Variants in POM121 observed in about 807,000 individuals in gnomAD.
POM121 encodes nuclear envelope pore membrane protein POM 121.
POM121 carries 32 observed loss-of-function variants against 81.3 expected under a neutral mutation model. The ratio of observed to expected loss-of-function variants is 0.39; its 90% CI spans 0.30 to 0.53. The LOEUF (loss-of-function observed/expected upper bound fraction) is 0.53. Among genes scored for constraint, POM121 ranks in the 20% least tolerant of loss-of-function variants. The pLI is 0.66. For missense variants in POM121, 1,138 were observed against 1,614.6 expected, an observed-to-expected ratio of 0.70 and a Z score of 5.06; for synonymous variants, 514 against 694.2, an observed-to-expected ratio of 0.74 and a Z score of 4.08.
At chr7:72,906,394 G>C (rs543553307) in intron 3 of POM121, among the ~76,000 whole-genome samples, 4 of 152,206 alleles carry the variant, frequency 2.6e-5, no homozygotes, top group Non-Finnish European at 5.9e-5. Flanking sequence ...GGGAACTCAG[G>C]CTCAGGAATT....
intron 5 of POM121, among the ~76,000 whole-genome samples, chr7:72,931,863 G>A (rs1174606747): frequency 2.6e-5 from 4 of 152,172 alleles, no homozygotes; most frequent in African/African-American, 9.7e-5. Flanking sequence ...GAGCCACCAC[G>A]CCTGGCCCAT....
chr7:72,899,217 G>A (rs1426828027), intron 3 of POM121, among the ~76,000 whole-genome samples: 2 of 151,900 alleles, frequency 1.3e-5, no homozygotes, highest in East Asian at 1.9e-4. Flanking sequence ...ACTCCTGACC[G>A]CAGGTGTTCT....
intron 5 of POM121, among the ~76,000 whole-genome samples, chr7:72,937,265 A>AG (rs1796603127): frequency 6.6e-6 from 1 of 152,012 alleles, no homozygotes; most frequent in African/African-American, 2.4e-5. Context: ...AAAAAAAAAA[A>AG]AGTTCCACAG....
In POM121 at chr7:72,938,687, T is replaced by C. The variant is rs781821687; in HGVS notation, c.1367+6T>C. 7 of 1,613,040 alleles carry C rather than the reference T, an allele frequency of 4.3e-6. No homozygotes were observed. The highest frequency in any genetic ancestry group is 3.3e-5 in the South Asian group (3 of 91,052). Reference sequence around the variant, plus strand: ...AGGCCAGCAAAGAAAATAAGGTACTTGGCATTCTCCTGCAGTTTTCATTTG... The same window carrying C: ...AGGCCAGCAAAGAAAATAAGGTACTCGGCATTCTCCTGCAGTTTTCATTTG... On this transcript the variant is annotated splice_donor_region_variant and intron_variant, in intron 6 of 12. Transcript: ENST00000434423.
rs1554501629 is a variant in POM121 at position 72,942,614 on chromosome 7, T to C, written c.2621T>C (p.Phe874Ser). ...GCGCCCCAGGCCTCTGCTGCCAGCT[T>C]CACCCCGGCCATGGGCTCCATATTC... Reference protein sequence around the residue: ...FGAPQASAASFTPAMGSIFQF... With the variant: ...FGAPQASAASSTPAMGSIFQF... The change falls in exon 11 of 13, where the codon TTC becomes TCC. Residue 874 changes from phenylalanine to serine, a missense_variant. This residue lies in a region of POM121 where 25 missense variants were observed against 229.8 expected (regional missense o/e 0.11). Transcript: ENST00000434423. 1.8e-5 allele frequency: 14 copies of C among 762,948 alleles called. No individual in the cohort carries two copies. The South Asian group carries it at 2.6e-4, about 14-fold the overall frequency. 47.3% of individuals were successfully genotyped at this position (762,948 alleles called of 1,614,324 possible). A position where few individuals can be genotyped will look rare whatever the true frequency, so the allele number is the denominator to read the frequency against.
intron 5 of POM121, among the ~76,000 whole-genome samples, chr7:72,935,357 T>C (rs1178307799): frequency 2.0e-5 from 3 of 152,096 alleles, no homozygotes; most frequent in Non-Finnish European, 4.4e-5. Context: ...AAACTTATAA[T>C]AGAGACACAG....
chr7:72,946,469 C>A lies in POM121; in HGVS notation c.*235C>A. The A allele has an allele frequency of 7.3e-7, 1 of 1,375,786 alleles. No homozygotes were observed. Among genetic ancestry groups the A allele is most frequent in the African/African-American group, 1.5e-5 (1 of 67,902 alleles). 85.2% of individuals were successfully genotyped at this position (1,375,786 alleles called of 1,614,324 possible). A position where few individuals can be genotyped will look rare whatever the true frequency, so the allele number is the denominator to read the frequency against. ...CCAAAGCCCGGGACCTCTACTTGAACAGTTCTACTGGGGAGGCTGGAGAAC... is the reference window on the plus strand; with the variant it reads ...CCAAAGCCCGGGACCTCTACTTGAAAAGTTCTACTGGGGAGGCTGGAGAAC... On this transcript the variant is annotated 3_prime_UTR_variant, in exon 13 of 13. Coordinates refer to ENST00000434423, the MANE Select transcript of POM121 (RefSeq NM_001387691.1).
At chr7:72,928,960 C>T (rs1554498086) in intron 4 of POM121, among the ~76,000 whole-genome samples, 1 of 152,178 alleles carries the variant, frequency 6.6e-6, no homozygotes, top group African/African-American at 2.4e-5. Flanking sequence ...AGAAGAAAGA[C>T]TAGAATGAGG....
chr7:72,890,844 T>C (rs1264643509), intron 2 of POM121: 3 of 1,410,794 alleles, frequency 2.1e-6, no homozygotes, highest in African/African-American at 2.8e-5. Flanking sequence ...TTTAATTCCT[T>C]GTGGGCACTA....
chr7:72,897,136 A>T (rs1554491835), intron 3 of POM121, among the ~76,000 whole-genome samples: 1 of 152,170 alleles, frequency 6.6e-6, no homozygotes, highest in African/African-American at 2.4e-5. Context: ...TGGGCAACAG[A>T]GCAAGACTCT....
Position 72,925,397 on chromosome 7 carries a change from GTCC to G in POM121, c.281_283del (p.Ser94del), listed in dbSNP as rs782178466. On this transcript the variant is annotated inframe_deletion, in exon 1 of 13. Transcript: ENST00000434423. ...GGAAGGCGCGTCATCGGCGCCCCTT[GTCC>G]TCCTTCGTTCGGAAGGCGCGTCATC... is the stretch of plus-strand genomic sequence containing the variant. The G allele has an allele frequency of 2.6e-6, 4 of 1,533,822 alleles. No individual in the cohort carries two copies. The South Asian group carries it at 4.8e-5, about 18-fold the overall frequency.
At chr7:72,950,095 G>A (rs782476174), downstream of POM121, 140 of 1,583,988 alleles carry the variant, frequency 8.8e-5, no homozygotes, top group Middle Eastern at 1.9e-4. Context: ...CCGGTACAGT[G>A]GGTGTTCATG....
chr7:72,896,115 G>A lies in POM121; in HGVS notation c.-216+5005G>A, dbSNP rs551655177. ...TTGGGGATTTCTGGTTTTCTAGCCC[G>A]TTGTCAATCTTTGGGTTTTATTCCT... On this transcript the variant is annotated intron_variant, in intron 3 of 15. Transcript: ENST00000395270. Among the ~76,000 whole-genome samples, 25 of 151,768 alleles carry A rather than the reference G, an allele frequency of 1.6e-4. No homozygotes were observed. The South Asian group carries it at 1.9e-3, about 11-fold the overall frequency.
chr7:72,945,169 C>G (rs1414095718), intron 11 of POM121, among the ~76,000 whole-genome samples: 1 of 152,096 alleles, frequency 6.6e-6, no homozygotes, highest in Non-Finnish European at 1.5e-5. Context: ...GAGGGGACCA[C>G]GGGGCATCAC....
rs544418888 is a variant in POM121, at chr7:72,902,812, G to A, written c.-215-10953G>A. On this transcript the variant is annotated intron_variant, in intron 3 of 15. Coordinates refer to the POM121 transcript ENST00000395270. ...CCCAAAGTGCTGGAATTACAGGCAT[G>A]AGCCACTGCCCCTCACCTGTCTATG... Among the ~76,000 whole-genome samples the A allele has an allele frequency of 5.3e-5, 8 of 152,326 alleles. No homozygotes were observed. In the South Asian group the frequency reaches 1.7e-3, roughly 32 times the overall value.
chr7:72,943,709 T>G (rs1198278524), intron 11 of POM121, among the ~76,000 whole-genome samples, 187 bp downstream of exon 11: 13 of 151,726 alleles, frequency 8.6e-5, no homozygotes, highest in Non-Finnish European at 1.6e-4. Context: ...CCATTGTGGA[T>G]TTAACTGGTC....
Position 72,934,196 on chromosome 7 carries a change from A to G in POM121, c.1275+4085A>G, listed in dbSNP as rs531465139. Among the ~76,000 whole-genome samples the G allele has an allele frequency of 2.0e-5, 3 of 151,556 alleles. No homozygotes were observed. The South Asian group carries it at 6.3e-4, about 32-fold the overall frequency. ...ACCTCCTGGGTTCAAGCAATTCCCC[A>G]GTCTCAGCCTCCCAAGTAGCTGGGA... On this transcript the variant is annotated intron_variant, in intron 5 of 12. Transcript: ENST00000434423.
intron 3 of POM121, among the ~76,000 whole-genome samples, chr7:72,898,909 G>A (rs1339550978): frequency 1.3e-5 from 2 of 151,510 alleles, no homozygotes; most frequent in South Asian, 2.1e-4. Flanking sequence ...TCCGACTGGC[G>A]AGGGTGAGTT....
chr7:72,934,500 TC>T (rs1554499110), intron 5 of POM121, among the ~76,000 whole-genome samples: 1 of 152,172 alleles, frequency 6.6e-6, no homozygotes, highest in East Asian at 1.9e-4. Flanking sequence ...CCATTCTACT[TC>T]CTTGTGGTTA....
Sources: gnomAD v4.1 joint callset for allele counts (sites outside exome capture counted in the v4.1 genomes callset) on GRCh38, gnomAD v4.1.1 for gene constraint, gnomAD v4.1.1 regional missense constraint, MANE v1.5 for transcripts, NCBI Gene and HGNC (gene_info 2026-07-23, HGNC 2026-07-21) for gene names.